PRSS22: variants seen among roughly 807,000 people sequenced by gnomAD.
PRSS22 encodes the protein brain-specific serine protease 4.
A neutral mutation model predicts 28.0 loss-of-function variants in PRSS22; 26 were observed. The ratio of observed to expected loss-of-function variants is 0.93; its 90% CI spans 0.68 to 1.29. The LOEUF (loss-of-function observed/expected upper bound fraction) is 1.29, where lower values mean the gene tolerates loss of function less well. PRSS22 is among the 50% of genes most tolerant of loss of function. The pLI is 0.00. For missense variants in PRSS22, 444 were observed against 422.1 expected (o/e 1.05, Z -0.46); for synonymous variants, 217 against 177.9 (o/e 1.22, Z -1.75).
chr16:2,855,701 C>T lies in PRSS22; in HGVS notation c.432G>A (p.Leu144=), dbSNP rs1424509210. Residue 144 remains leucine (L), a synonymous_variant, in exon 4 of 6, where the codon CTG becomes CTA. Transcript: ENST00000161006. ...ACTGTATGGAGCGCTCGAGACGCAC[C>T]AGGGCAATGTCTGCACAGGCACCTT... ...WKEGACADIA[L]VRLERSIQFS... 1.2e-6 allele frequency: 2 copies of T among 1,614,102 alleles called. No homozygotes were observed. Among genetic ancestry groups the T allele is most frequent in the Non-Finnish European group, 1.7e-6 (2 of 1,180,060 alleles).
Position 2,857,706 on chromosome 16 carries a change from C to T in PRSS22, c.82+317G>A, listed in dbSNP as rs1468197685. On this transcript the variant is annotated intron_variant, in intron 1 of 5. Coordinates refer to ENST00000161006, the MANE Select transcript of PRSS22 (RefSeq NM_022119.4). Reference sequence around the variant, plus strand: ...CCCTGACCTCCTGCGGCAGGAACAACACAAAACGGTGCTTCCCCAGAGGCA... The same window carrying T: ...CCCTGACCTCCTGCGGCAGGAACAATACAAAACGGTGCTTCCCCAGAGGCA... 4 of 247,762 alleles carry T rather than the reference C, an allele frequency of 1.6e-5. No homozygotes were observed. In the East Asian group the frequency reaches 2.8e-4, roughly 17 times the overall value. The allele number at this position is 247,762 out of a possible 1,614,324, so 15.3% of individuals were successfully genotyped here.
At position 2,856,142 on chromosome 16, in the gene PRSS22, T is replaced by C; in HGVS notation, c.221A>G (p.His74Arg). The change falls in exon 3 of 6, where the codon CAC becomes CGC. Residue 74 changes from histidine (H) to arginine (R), a missense_variant. Coordinates refer to ENST00000161006, the MANE Select transcript of PRSS22 (RefSeq NM_022119.4). ...GCTGGTGAGCAGAGAACCTGCGCAG[T>C]GGTGGGTCCCATTCTTCTGGATGCT... The part of the protein sequence containing the change: ...IVSIQKNGTH[H>R]CAGSLLTSRW... 1.2e-6 allele frequency: 2 copies of C among 1,613,926 alleles called. No individual in the cohort carries two copies. Among genetic ancestry groups the C allele is most frequent in the Non-Finnish European group, 8.5e-7 (1 of 1,179,954 alleles).
rs748882547 is a variant in PRSS22 at position 2,853,210 on chromosome 16, A to G, written c.837T>C (p.Ser279=). The change falls in exon 6 of 6, where the codon TCT becomes TCC. Residue 279 remains serine (S), a synonymous_variant. Coordinates refer to ENST00000161006, the MANE Select transcript of PRSS22 (RefSeq NM_022119.4). This position sits in a 1 kb window ranked among gnomAD's most constrained non-coding sequence, Gnocchi z 4.6. ...TCTTCTCCACCCAGGAGCGGTGCGCAGAGAGGCTGATGTAGACCCCGGGCC... is the reference window on the plus strand; with the variant it reads ...TCTTCTCCACCCAGGAGCGGTGCGCGGAGAGGCTGATGTAGACCCCGGGCC... ...RNRPGVYISL[S]AHRSWVEKIV... 3.7e-6 allele frequency: 6 copies of G among 1,600,476 alleles called. No homozygotes were observed. The highest frequency in any genetic ancestry group is 1.6e-4 in the Middle Eastern group (1 of 6,062).
At chr16:2,857,818 C>G in intron 1 of PRSS22, 1 of 401,996 alleles carries the variant, frequency 2.5e-6, no homozygotes, top group Non-Finnish European at 4.3e-6. Context: ...GACCGAGGCG[C>G]GCTGCGTACT....
In PRSS22 at chr16:2,858,040, A is replaced by G; in HGVS notation, c.65T>C (p.Leu22Pro). 11 of 1,283,512 alleles carry G rather than the reference A, an allele frequency of 8.6e-6. No individual in the cohort carries two copies. Among genetic ancestry groups the G allele is most frequent in the Non-Finnish European group, 1.1e-5 (11 of 1,006,062 alleles). The allele number at this position is 1,283,512 out of a possible 1,614,324, so 79.5% of individuals were successfully genotyped here. A position where few individuals can be genotyped will look rare whatever the true frequency, so the allele number is the denominator to read the frequency against. The change falls in exon 1 of 6, where the codon CTG becomes CCG. Residue 22 changes from leucine (L) to proline (P), a missense_variant. Coordinates refer to ENST00000161006, the MANE Select transcript of PRSS22 (RefSeq NM_022119.4). ...GGACGTACCTGTCGACGCCAGCAGC[A>G]GCAGGGAGGTGAAGGTGCCGAGACA... ...GGCLGTFTSL[L>P]LLASTAILNA...
Position 2,856,110 on chromosome 16 carries a change from C to T in PRSS22, c.253G>A (p.Val85Met). Residue 85 changes from valine (V) to methionine (M), a missense_variant, in exon 3 of 6, where the codon GTG (valine) becomes ATG (methionine). Transcript: ENST00000161006. ...TTGAAACAGTGGGCAGCAGTGATCA[C>T]CCAGCGGCTGGTGAGCAGAGAACCT... ...CAGSLLTSRW[V>M]ITAAHCFKDN... 6.2e-7 allele frequency: 1 copy of T among 1,613,978 alleles called. No homozygotes were observed. The highest frequency in any genetic ancestry group is 8.5e-7 in the Non-Finnish European group (1 of 1,179,948).
Position 2,853,021 on chromosome 16 carries a change from G to A in PRSS22, c.*72C>T. On this transcript the variant is annotated 3_prime_UTR_variant, in exon 6 of 6. Transcript: ENST00000161006. The surrounding 1 kb of genome is among the most constrained non-coding windows in gnomAD (Gnocchi z 4.6). Reference sequence around the variant, plus strand: ...ATTTACGGCGGGGGAAACCGCCCGAGGCCGCCGCAGATCCAGATCCAGATG... The same window carrying A: ...ATTTACGGCGGGGGAAACCGCCCGAAGCCGCCGCAGATCCAGATCCAGATG... 1 of 1,070,380 alleles carries A rather than the reference G, an allele frequency of 9.3e-7. No homozygotes were observed. Among genetic ancestry groups the A allele is most frequent in the African/African-American group, 1.6e-5 (1 of 60,896 alleles). The allele number at this position is 1,070,380 out of a possible 1,614,324, so 66.3% of individuals were successfully genotyped here.
At chr16:2,855,347 C>CAAAAAAAAAAAAAAAAAAA (rs33950878) in intron 4 of PRSS22, among the ~76,000 whole-genome samples, 10 of 69,026 alleles carry the variant, frequency 1.4e-4, no homozygotes, top group Admixed American at 3.7e-4. Flanking sequence ...CACCCTGTCT[C>CAAAAAAAAAAAAAAAAAAA]AAAAAAAAAA....
chr16:2,855,466 G>T, intron 4 of PRSS22, 108 bp downstream of exon 4: 1 of 1,266,090 alleles, frequency 7.9e-7, no homozygotes, highest in Non-Finnish European at 1.1e-6. Flanking sequence ...CTGTCATGCT[G>T]TGCCTCTGGC....
At position 2,853,298 on chromosome 16, in the gene PRSS22, A is replaced by G. The variant is rs749012339; in HGVS notation, c.749T>C (p.Val250Ala). ...GCCGGCCAGCAGCCAGGCGCCGTCC[A>G]CCTGGCACATGAGGGGGCCCCCGGA... ...GDSGGPLMCQVDGAWLLAGII... is the reference protein window; with the variant it reads ...GDSGGPLMCQADGAWLLAGII... Residue 250 changes from valine to alanine, a missense_variant, in exon 6 of 6, where the codon GTG becomes GCG. Physicochemically the swap from Val to Ala is moderately conservative, Grantham distance 64. Transcript: ENST00000161006. This position sits in a 1 kb window ranked among gnomAD's most constrained non-coding sequence, Gnocchi z 4.6. 4.4e-6 allele frequency: 7 copies of G among 1,598,680 alleles called. No homozygotes were observed. Among genetic ancestry groups the G allele is most frequent in the Non-Finnish European group, 5.1e-6 (6 of 1,179,232 alleles).
intron 4 of PRSS22, among the ~76,000 whole-genome samples, chr16:2,854,696 G>GTC (rs1478818538): frequency 6.6e-6 from 1 of 152,100 alleles, no homozygotes; most frequent in Non-Finnish European, 1.5e-5. Flanking sequence ...CCTTGGCCCA[G>GTC]TCTCTATCAT....
Position 2,856,354 on chromosome 16 carries a change from G to A in PRSS22, c.110-101C>T. On this transcript the variant is annotated intron_variant, in intron 2 of 5. Transcript: ENST00000161006. Reference sequence around the variant, plus strand: ...ACCCCAAGCTTTGCCCACAGCCCAAGCTCCGTTCATGTCCCCAAGCTCTAC... The same window carrying A: ...ACCCCAAGCTTTGCCCACAGCCCAAACTCCGTTCATGTCCCCAAGCTCTAC... 3.2e-6 allele frequency: 4 copies of A among 1,247,934 alleles called. No individual in the cohort carries two copies. The Admixed American group carries it at 8.0e-5, about 25-fold the overall frequency. 77.3% of individuals were successfully genotyped at this position (1,247,934 alleles called of 1,614,324 possible). A position where few individuals can be genotyped will look rare whatever the true frequency, so the allele number is the denominator to read the frequency against.
At chr16:2,855,154 C>T (rs2069442297) in intron 4 of PRSS22, among the ~76,000 whole-genome samples, 1 of 151,888 alleles carries the variant, frequency 6.6e-6, no homozygotes, top group Admixed American at 6.6e-5. Flanking sequence ...TCAAGACCAG[C>T]CCAGCCAACA....
intron 1 of PRSS22, 78 bp from the exon 2 acceptor site, chr16:2,856,926 G>A (rs1268050821): frequency 6.7e-7 from 1 of 1,500,606 alleles, no homozygotes; most frequent in Non-Finnish European, 9.1e-7. Flanking sequence ...AACGCCCAGT[G>A]AGGAAGGCCC....
At position 2,855,680 on chromosome 16, in the gene PRSS22, T is replaced by C. The variant is rs1054859943; in HGVS notation, c.453A>G (p.Ile151Met). 6.2e-7 allele frequency: 1 copy of C among 1,614,152 alleles called. No individual in the cohort carries two copies. The highest frequency in any genetic ancestry group is 8.5e-7 in the Non-Finnish European group (1 of 1,180,046). Reference sequence around the variant, plus strand: ...TGGGCAGGACCCGCTCTGAGAACTGTATGGAGCGCTCGAGACGCACCAGGG... The same window carrying C: ...TGGGCAGGACCCGCTCTGAGAACTGCATGGAGCGCTCGAGACGCACCAGGG... ...DIALVRLERS[I>M]QFSERVLPIC... Residue 151 changes from isoleucine to methionine, a missense_variant, in exon 4 of 6, where the codon ATA (isoleucine) becomes ATG (methionine). Coordinates refer to ENST00000161006, the MANE Select transcript of PRSS22 (RefSeq NM_022119.4).
intron 4 of PRSS22, 76 bp downstream of exon 4, chr16:2,855,498 G>T: frequency 6.5e-7 from 1 of 1,529,600 alleles, no homozygotes; most frequent in Non-Finnish European, 8.9e-7. Context: ...GTTGCTCATG[G>T]TGTCTGTGTC....
chr16:2,855,639 G>A lies in PRSS22; in HGVS notation c.494C>T (p.Ala165Val), dbSNP rs2069447751. Residue 165 changes from alanine (A) to valine (V), a missense_variant, in exon 4 of 6, where the codon GCC (alanine) becomes GTC (valine). By Grantham distance (64) the Ala-to-Val change is moderately conservative. Transcript: ENST00000161006. ...GGTGTTTGGAGGGAGGTGGATAGAG[G>A]CATCAGGTAGGCAGATGGGCAGGAC... ...ERVLPICLPD[A>V]SIHLPPNTHC... 2.5e-6 allele frequency: 4 copies of A among 1,614,036 alleles called. 1 individual carries two copies. In the South Asian group the frequency reaches 4.4e-5, roughly 18 times the overall value.
At chr16:2,856,763 C>G in intron 2 of PRSS22, 59 bp downstream of exon 2, 2 of 1,545,222 alleles carry the variant, frequency 1.3e-6, no homozygotes, top group Admixed American at 2.0e-5. Context: ...CACATAGACA[C>G]TGCCTGCGCG....
chr16:2,853,809 G>A lies in PRSS22; in HGVS notation c.717+56C>T, dbSNP rs1234674167. On this transcript the variant is annotated intron_variant, in intron 5 of 5. Coordinates refer to ENST00000161006, the MANE Select transcript of PRSS22 (RefSeq NM_022119.4). The surrounding 1 kb of genome is among the most constrained non-coding windows in gnomAD (Gnocchi z 4.6). ...GGGGCTCAGTGGGGACAGGACTGAC[G>A]CTGGCTCCTTCCCGAGGCCCTCCTG... The A allele has an allele frequency of 1.9e-6, 3 of 1,594,154 alleles. No individual in the cohort carries two copies. Among genetic ancestry groups the A allele is most frequent in the East Asian group, 2.2e-5 (1 of 44,728 alleles).
Sources: gnomAD v4.1 joint callset for allele counts (sites outside exome capture counted in the v4.1 genomes callset) on GRCh38, gnomAD v4.1.1 for gene constraint, Gnocchi (gnomAD v3.1) non-coding constraint, MANE v1.5 for transcripts, NCBI Gene and HGNC (gene_info 2026-07-23, HGNC 2026-07-21) for gene names.